TBXAS1: variants seen among roughly 807,000 people sequenced by gnomAD.
TBXAS1 encodes the protein thromboxane-A synthase.
TBXAS1 carries 48 observed loss-of-function variants against 60.7 expected under a neutral mutation model. The observed-to-expected ratio is 0.79, with a 90% CI of 0.63 to 1.01. The LOEUF (loss-of-function observed/expected upper bound fraction) is 1.01, where lower values mean the gene tolerates loss of function less well. Ranked by LOEUF, TBXAS1 falls within the 50% of genes least tolerant of loss-of-function variation. The pLI, the probability that TBXAS1 is intolerant of heterozygous loss-of-function variation, is 0.00. For missense variants in TBXAS1, 685 were observed against 686.3 expected, an observed-to-expected ratio of 1.00 and a Z score of 0.02; for synonymous variants, 287 against 269.7, an observed-to-expected ratio of 1.06 and a Z score of -0.63.
chr7:140,004,703 A>G lies in TBXAS1; in HGVS notation c.1135-2388A>G, dbSNP rs1813924254. Among the ~76,000 whole-genome samples, 1 of 152,264 alleles carries G rather than the reference A, an allele frequency of 6.6e-6. No individual in the cohort carries two copies. The highest frequency in any genetic ancestry group is 1.5e-5 in the Non-Finnish European group (1 of 68,004). On this transcript the variant is annotated intron_variant, in intron 9 of 12. Transcript: ENST00000448866. The surrounding 1 kb of genome is among the most constrained non-coding windows in gnomAD (Gnocchi z 5.1). ...ACTGAGACCCAGCCAGGGAGGCAGG[A>G]TCTAGGGAAATTGGTCCAGCTGTCT...
intron 4 of TBXAS1, among the ~76,000 whole-genome samples, chr7:139,821,498 A>G (rs1436318609): frequency 6.6e-6 from 1 of 152,254 alleles, no homozygotes; most frequent in Non-Finnish European, 1.5e-5. Flanking sequence ...AGACTAATAC[A>G]AAATCAAGAT....
intron 3 of TBXAS1, among the ~76,000 whole-genome samples, chr7:139,891,729 C>A (rs1347473906): frequency 1.3e-5 from 2 of 152,152 alleles, no homozygotes; most frequent in Non-Finnish European, 2.9e-5. Flanking sequence ...AATAGATGCT[C>A]AGTAAATATC....
At chr7:139,842,605 T>C (rs1799525469) in intron 1 of TBXAS1, among the ~76,000 whole-genome samples, 1 of 152,236 alleles carries the variant, frequency 6.6e-6, no homozygotes, top group African/African-American at 2.4e-5. Flanking sequence ...GTGCTTCAAT[T>C]ACTAAGAGCC....
At chr7:139,963,544 C>T (rs1030700007) in intron 9 of TBXAS1, among the ~76,000 whole-genome samples, 2 of 152,166 alleles carry the variant, frequency 1.3e-5, no homozygotes, top group African/African-American at 4.8e-5. Context: ...AATAACCCTG[C>T]CACCCATCTT....
chr7:139,883,229 T>C (rs1455832373), intron 3 of TBXAS1, among the ~76,000 whole-genome samples: 1 of 151,378 alleles, frequency 6.6e-6, no homozygotes. Flanking sequence ...GAACCATTAA[T>C]AGACTCTTCA....
intron 4 of TBXAS1, among the ~76,000 whole-genome samples, chr7:139,812,643 T>C (rs1798045773): frequency 6.6e-6 from 1 of 152,158 alleles, no homozygotes; most frequent in Non-Finnish European, 1.5e-5. Context: ...TGTATTCATT[T>C]CTCCACATTC....
intron 9 of TBXAS1, among the ~76,000 whole-genome samples, chr7:139,990,766 CT>C (rs1047599023): frequency 4.0e-5 from 6 of 151,794 alleles, no homozygotes; most frequent in African/African-American, 9.7e-5. Context: ...ACCTCTACCC[CT>C]GGCTGCCTGG....
At chr7:139,833,699 A>G (rs1386058776) in intron 1 of TBXAS1, among the ~76,000 whole-genome samples, 1 of 152,032 alleles carries the variant, frequency 6.6e-6, no homozygotes, top group Non-Finnish European at 1.5e-5. Flanking sequence ...AAATAAAAAA[A>G]AGAGAGAGAC....
At chr7:139,885,823 G>A (rs1257695119) in intron 3 of TBXAS1, among the ~76,000 whole-genome samples, 2 of 152,054 alleles carry the variant, frequency 1.3e-5, no homozygotes, top group East Asian at 3.8e-4. Context: ...CTCACATAGG[G>A]CAAAAGGTAA....
At chr7:140,010,284 ATTATT>A (rs1288969813) in intron 10 of TBXAS1, among the ~76,000 whole-genome samples, 8 of 152,082 alleles carry the variant, frequency 5.3e-5, no homozygotes, top group East Asian at 1.9e-4. Flanking sequence ...TTTTTATTTT[ATTATT>A]TTATTTCATC....
rs1569522244 is a variant in TBXAS1 at position 139,984,618 on chromosome 7, G to GAA, written c.1134+22386_1134+22387insAA. On this transcript the variant is annotated intron_variant, in intron 9 of 12. Coordinates refer to ENST00000448866, the MANE Select transcript of TBXAS1 (RefSeq NM_001061.7). ...AAAATAAAAAAATAAGAAAGAAAGAGAGAGAGAGAGAGAGAGAGAGAGAGA... is the reference window on the plus strand; with the variant it reads ...AAAATAAAAAAATAAGAAAGAAAGAGAAAGAGAGAGAGAGAGAGAGAGAGAGA... Among the ~76,000 whole-genome samples, 14 of 78,348 alleles carry GAA rather than the reference G, an allele frequency of 1.8e-4. 1 individual carries two copies. The highest frequency in any genetic ancestry group is 3.8e-4 in the African/African-American group (8 of 21,016). The allele number at this position is 78,348 out of a possible 152,430, so 51.4% of individuals were successfully genotyped here.
chr7:139,947,026 C>T (rs555224859), intron 5 of TBXAS1, among the ~76,000 whole-genome samples: 41 of 152,194 alleles, frequency 2.7e-4, no homozygotes, highest in Non-Finnish European at 5.0e-4. Flanking sequence ...CAGAAGCTCT[C>T]AGCCCTTCTT....
chr7:139,928,185 T>C (rs1174728849), intron 4 of TBXAS1, among the ~76,000 whole-genome samples: 1 of 152,184 alleles, frequency 6.6e-6, no homozygotes, highest in Non-Finnish European at 1.5e-5. Flanking sequence ...TCACTGAAAG[T>C]TGTTATTATG....
intron 2 of TBXAS1, chr7:139,782,360 A>G (rs1797030398): frequency 6.6e-6 from 1 of 152,152 alleles, no homozygotes; most frequent in African/African-American, 2.4e-5. Flanking sequence ...TTTCTACAAA[A>G]TGGTGCAAGT....
intron 1 of TBXAS1, among the ~76,000 whole-genome samples, chr7:139,848,319 T>C (rs901270659): frequency 1.3e-5 from 2 of 152,090 alleles, no homozygotes; most frequent in Non-Finnish European, 2.9e-5. Flanking sequence ...ATTTTGGGTA[T>C]ATGTCAAAGC....
At chr7:139,805,298 C>G (rs965454959) in intron 4 of TBXAS1, among the ~76,000 whole-genome samples, 1 of 152,240 alleles carries the variant, frequency 6.6e-6, no homozygotes, top group Non-Finnish European at 1.5e-5. Flanking sequence ...AGAAAGTTAT[C>G]CAAGCTAATA....
chr7:139,870,547 A>G (rs575307541), intron 1 of TBXAS1, among the ~76,000 whole-genome samples: 8 of 152,322 alleles, frequency 5.3e-5, no homozygotes, highest in African/African-American at 1.7e-4. Flanking sequence ...ACTTTTACCA[A>G]CTGTGCTGTC....
intron 10 of TBXAS1, among the ~76,000 whole-genome samples, chr7:140,007,501 G>C (rs186548695): frequency 6.6e-6 from 1 of 152,036 alleles, no homozygotes; most frequent in African/African-American, 2.4e-5. Context: ...TCATTCATTC[G>C]TTCATTCATT....
intron 4 of TBXAS1, among the ~76,000 whole-genome samples, chr7:139,796,673 A>G (rs1797580705): frequency 2.0e-5 from 3 of 152,246 alleles, no homozygotes; most frequent in African/African-American, 7.2e-5. Context: ...TGGCTCATTG[A>G]TTGTCATAAA....
Sources: gnomAD v4.1 joint callset for allele counts (sites outside exome capture counted in the v4.1 genomes callset) on GRCh38, gnomAD v4.1.1 for gene constraint, Gnocchi (gnomAD v3.1) non-coding constraint, MANE v1.5 for transcripts, NCBI Gene and HGNC (gene_info 2026-07-23, HGNC 2026-07-21) for gene names.